The following SNX13 variants were observed in gnomAD, a reference collection of about 807,000 sequenced individuals.
The protein encoded by SNX13 is sorting nexin-13.
A neutral mutation model predicts 133.6 loss-of-function variants in SNX13; 45 were observed. The ratio of observed to expected loss-of-function variants is 0.34; its 90% CI spans 0.27 to 0.43. The LOEUF (loss-of-function observed/expected upper bound fraction) is 0.43, where lower values mean the gene tolerates loss of function less well. Among genes scored for constraint, SNX13 ranks in the 20% least tolerant of loss-of-function variants. The pLI is 1.00. For synonymous variants in SNX13, 414 were observed against 373.9 expected (o/e 1.11, Z -1.24); for missense variants, 1,032 against 1,145.1 (o/e 0.90, Z 1.43).
At chr7:17,861,614 T>A (rs1246192184) in intron 9 of SNX13, among the ~76,000 whole-genome samples, 1 of 152,158 alleles carries the variant, frequency 6.6e-6, no homozygotes, top group African/African-American at 2.4e-5. Flanking sequence ...TATGACCTTC[T>A]GGTGGAATGC....
intron 20 of SNX13, among the ~76,000 whole-genome samples, chr7:17,808,872 G>A (rs1354023341): frequency 6.6e-6 from 1 of 152,078 alleles, no homozygotes; most frequent in Non-Finnish European, 1.5e-5. Context: ...CATAAGTGAA[G>A]GAGAAATAAA....
At chr7:17,802,617 G>A (rs186840156) in intron 21 of SNX13, among the ~76,000 whole-genome samples, 16 of 152,074 alleles carry the variant, frequency 1.1e-4, no homozygotes, top group African/African-American at 2.7e-4. Flanking sequence ...CTCACAAATA[G>A]AAATAAAAAT....
chr7:17,924,399 G>C (rs540799705), intron 1 of SNX13, among the ~76,000 whole-genome samples: 5 of 152,272 alleles, frequency 3.3e-5, no homozygotes, highest in African/African-American at 1.2e-4. Flanking sequence ...CTCTCTAGAG[G>C]CACTAGAGAG....
At chr7:17,864,578 G>A (rs1202433424) in intron 9 of SNX13, among the ~76,000 whole-genome samples, 1 of 151,582 alleles carries the variant, frequency 6.6e-6, no homozygotes. Context: ...AGAGAGACTG[G>A]GTAAAAAGTT....
intron 9 of SNX13, among the ~76,000 whole-genome samples, chr7:17,853,014 A>G (rs1331700216): frequency 6.6e-6 from 1 of 152,218 alleles, no homozygotes; most frequent in Non-Finnish European, 1.5e-5. Flanking sequence ...GATGTGAAAA[A>G]ATATATTAAA....
At chr7:17,898,870 T>G (rs1797510789) in intron 1 of SNX13, 1 of 152,190 alleles carries the variant, frequency 6.6e-6, no homozygotes, top group South Asian at 2.1e-4. Context: ...TATTCCTTTG[T>G]GTTTTATTAT....
chr7:17,809,412 A>C (rs1785735482), intron 20 of SNX13, among the ~76,000 whole-genome samples: 1 of 152,158 alleles, frequency 6.6e-6, no homozygotes, highest in African/African-American at 2.4e-5. Flanking sequence ...TAAAGGGATC[A>C]ATGCAACAAG....
intron 22 of SNX13, 143 bp from the exon 23 acceptor site, chr7:17,799,297 C>G: frequency 3.1e-6 from 2 of 641,566 alleles, no homozygotes; most frequent in Non-Finnish European, 4.9e-6. Flanking sequence ...ACATTAAATT[C>G]TAATGTAGAA....
Position 17,794,062 on chromosome 7 carries a change from A to G in SNX13, c.2857T>C (p.Ser953Pro). The stretch of plus-strand genomic sequence containing the variant: ...GTGGAGTGTCACCTTTTCTGCAAAG[A>G]AGGCGCTTGAGTAGTTTGAAGTTTC... ...KQKLQTTQAP[S>P]LQKR The change falls in exon 26 of 26, where the codon TCT becomes CCT. Residue 953 changes from serine (S) to proline (P), a missense_variant. Physicochemically the swap from Ser to Pro is moderately conservative, Grantham distance 74 (BLOSUM62 -1). Transcript: ENST00000428135. 1.2e-6 allele frequency: 2 copies of G among 1,611,280 alleles called. No homozygotes were observed. Among genetic ancestry groups the G allele is most frequent in the Non-Finnish European group, 1.7e-6 (2 of 1,178,126 alleles).
chr7:17,878,414 A>G (rs1211843125), intron 5 of SNX13, among the ~76,000 whole-genome samples: 3 of 152,328 alleles, frequency 2.0e-5, no homozygotes, highest in South Asian at 2.1e-4. Flanking sequence ...TGAAGCTTAT[A>G]TATCTTGACA....
chr7:17,934,969 T>C (rs2128052509), intron 1 of SNX13, among the ~76,000 whole-genome samples: 2 of 152,324 alleles, frequency 1.3e-5, no homozygotes, highest in African/African-American at 4.8e-5. Context: ...AAATGGTATG[T>C]AAGTTCCTCA....
At position 17,808,806 on chromosome 7, in the gene SNX13, T is replaced by C. The variant is rs551929288; in HGVS notation, c.2065-5226A>G. Among the ~76,000 whole-genome samples, 19 of 152,234 alleles carry C rather than the reference T, an allele frequency of 1.2e-4. No homozygotes were observed. The South Asian group carries it at 3.7e-3, about 30-fold the overall frequency. On this transcript the variant is annotated intron_variant, in intron 20 of 25. Coordinates refer to ENST00000428135, the MANE Select transcript of SNX13 (RefSeq NM_015132.5). ...AGAGAGTGAGGGCCAATATTCAACA[T>C]TCTTAAAAAAAAAGAATTCTCAACC...
At chr7:17,813,089 C>T (rs1032851905) in intron 20 of SNX13, among the ~76,000 whole-genome samples, 2 of 151,746 alleles carry the variant, frequency 1.3e-5, no homozygotes, top group African/African-American at 2.4e-5. Context: ...ACATTCTGCA[C>T]ATGTATCCAA....
At chr7:17,831,726 TA>T in intron 15 of SNX13, 3 of 983,912 alleles carry the variant, frequency 3.0e-6, no homozygotes, top group Non-Finnish European at 3.6e-6. Flanking sequence ...TCAGAATATC[TA>T]AAAAATGCAT....
At chr7:17,821,001 T>C (rs1787223036) in intron 18 of SNX13, among the ~76,000 whole-genome samples, 1 of 152,158 alleles carries the variant, frequency 6.6e-6, no homozygotes, top group Non-Finnish European at 1.5e-5. Flanking sequence ...TTAATAAGAA[T>C]TGAAAATATT....
intron 5 of SNX13, among the ~76,000 whole-genome samples, chr7:17,884,455 C>T (rs1347262086): frequency 3.9e-5 from 6 of 151,986 alleles, no homozygotes; most frequent in South Asian, 2.1e-4. Flanking sequence ...TTCTTATGAA[C>T]GAAAACATAA....
At chr7:17,801,355 G>A (rs559656439) in intron 22 of SNX13, among the ~76,000 whole-genome samples, 139 of 151,798 alleles carry the variant, frequency 9.2e-4, no homozygotes, top group African/African-American at 3.3e-3. Flanking sequence ...GTCCTTGGTG[G>A]AGGCGAAGGT....
At chr7:17,809,282 C>CAAAAAAAAAAAAAAAAA (rs535077123) in intron 20 of SNX13, among the ~76,000 whole-genome samples, 3 of 49,272 alleles carry the variant, frequency 6.1e-5, no homozygotes, top group Non-Finnish European at 1.0e-4. Flanking sequence ...AGATGGAAAG[C>CAAAAAAAAAAAAAAAAA]AAAAAAAAAA....
At chr7:17,864,032 T>C (rs1311472536) in intron 9 of SNX13, among the ~76,000 whole-genome samples, 1 of 152,198 alleles carries the variant, frequency 6.6e-6, no homozygotes, top group African/African-American at 2.4e-5. Context: ...TCAATCCCTT[T>C]TGACTTCATG....
Sources: allele counts gnomAD v4.1 joint callset (sites outside exome capture counted in the v4.1 genomes callset), GRCh38; gene constraint gnomAD v4.1.1; transcripts MANE v1.5; gene names NCBI Gene and HGNC (gene_info 2026-07-23, HGNC 2026-07-21).